DDX60: variants seen among roughly 807,000 people sequenced by gnomAD.
DDX60 encodes probable ATP-dependent RNA helicase DDX60.
Under a neutral mutation model 212.8 loss-of-function variants are expected in DDX60, and 165 were observed. That is an observed-to-expected ratio of 0.78 (90% CI 0.68 to 0.88). The LOEUF is 0.88. Among genes scored for constraint, DDX60 ranks in the 40% least tolerant of loss-of-function variants. The pLI is 0.00. For synonymous variants in DDX60, 703 were observed against 685.3 expected, an observed-to-expected ratio of 1.03 and a Z score of -0.40; for missense variants, 1,905 against 2,003.9, an observed-to-expected ratio of 0.95 and a Z score of 0.94.
intron 28 of DDX60, 36 bp downstream of exon 28, chr4:168,250,918 C>A: frequency 6.6e-7 from 1 of 1,503,852 alleles, no homozygotes; most frequent in Non-Finnish European, 9.1e-7. Flanking sequence ...GAAACAGTCA[C>A]AATTTCAATT....
chr4:168,307,439 T>A (rs1162014715), intron 4 of DDX60, among the ~76,000 whole-genome samples: 1 of 152,128 alleles, frequency 6.6e-6, no homozygotes, highest in Non-Finnish European at 1.5e-5. Context: ...CAAACCATCA[T>A]AAAACATTGA....
upstream of DDX60, among the ~76,000 whole-genome samples, chr4:168,323,481 CTTAAA>C (rs1174808267): frequency 6.6e-6 from 1 of 152,070 alleles, no homozygotes; most frequent in Non-Finnish European, 1.5e-5. Context: ...TGTTAGGCCT[CTTAAA>C]TTAAACTGAC....
chr4:168,299,157 CAAAAAAAAAA>C (rs1197872492), intron 6 of DDX60, among the ~76,000 whole-genome samples: 2 of 61,936 alleles, frequency 3.2e-5, no homozygotes, highest in South Asian at 6.2e-4. Context: ...GAGACTGTCT[CAAAAAAAAAA>C]AAAAAAAAAA....
intron 19 of DDX60, among the ~76,000 whole-genome samples, chr4:168,270,555 T>G (rs1238362036): frequency 6.6e-6 from 1 of 152,240 alleles, no homozygotes; most frequent in Non-Finnish European, 1.5e-5. Context: ...TCATAGCACT[T>G]CAGAGTTTTG....
intron 8 of DDX60, among the ~76,000 whole-genome samples, chr4:168,290,977 C>T (rs1736070262): frequency 1.3e-5 from 2 of 152,068 alleles, no homozygotes. Context: ...GCCAATTGAT[C>T]CTTTAATCCC....
At chr4:168,301,821 G>C (rs921537064) in intron 6 of DDX60, among the ~76,000 whole-genome samples, 4 of 152,216 alleles carry the variant, frequency 2.6e-5, no homozygotes, top group African/African-American at 9.7e-5. Context: ...CTTCACAGTA[G>C]AGAAAACTGT....
chr4:168,300,580 A>ATGTGTGTGTG (rs59696275), intron 6 of DDX60, among the ~76,000 whole-genome samples: 148 of 146,410 alleles, frequency 1.0e-3, no homozygotes, highest in African/African-American at 3.0e-3. Context: ...TAACACCAGA[A>ATGTGTGTGTG]TGTGTGTGTG....
At chr4:168,255,259 C>T (rs1434638807) in intron 26 of DDX60, among the ~76,000 whole-genome samples, 8 of 152,198 alleles carry the variant, frequency 5.3e-5, no homozygotes, top group Admixed American at 1.3e-4. Flanking sequence ...ATCAAATCAG[C>T]ATTTCCATCC....
At position 168,301,758 on chromosome 4, in the gene DDX60, T is replaced by G. The variant is rs370199698; in HGVS notation, c.723+542A>C. Among the ~76,000 whole-genome samples, 27 of 152,290 alleles carry G rather than the reference T, an allele frequency of 1.8e-4. No homozygotes were observed. In the East Asian group the frequency reaches 4.1e-3, roughly 23 times the overall value. On this transcript the variant is annotated intron_variant, in intron 6 of 37. Coordinates refer to ENST00000393743, the MANE Select transcript of DDX60 (RefSeq NM_017631.6). ...AGTTTGAGAAGAAACAGGATCTGCA[T>G]AGTCACAAAGCATGTCCTTCAAGAT...
At chr4:168,280,172 C>T in intron 14 of DDX60, among the ~76,000 whole-genome samples, 163 bp downstream of exon 14, 1 of 152,086 alleles carries the variant, frequency 6.6e-6, no homozygotes, top group East Asian at 1.9e-4. Flanking sequence ...TAGAACATAC[C>T]CCCGGCAGGT....
chr4:168,311,452 G>T (rs1737131354), intron 1 of DDX60, 87 bp from the exon 2 acceptor site: 2 of 547,286 alleles, frequency 3.7e-6, no homozygotes, highest in Non-Finnish European at 3.3e-6. Context: ...TTAGACACAA[G>T]GAATACAAGA....
At chr4:168,315,019 A>C (rs1470312424) in intron 1 of DDX60, among the ~76,000 whole-genome samples, 9 of 152,226 alleles carry the variant, frequency 5.9e-5, no homozygotes, top group Non-Finnish European at 2.9e-5. Flanking sequence ...GAACTGGTTT[A>C]AGAAATGAAC....
intron 9 of DDX60, among the ~76,000 whole-genome samples, chr4:168,287,565 G>C (rs982485346): frequency 1.1e-4 from 17 of 152,004 alleles, no homozygotes; most frequent in African/African-American, 3.9e-4. Context: ...TGAGAAAATT[G>C]GTAAAGGATT....
chr4:168,288,163 T>C lies in DDX60; in HGVS notation c.1183+11A>G. On this transcript the variant is annotated intron_variant, in intron 9 of 37. Coordinates refer to ENST00000393743, the MANE Select transcript of DDX60 (RefSeq NM_017631.6). ...GGATGGAAGTATGATTATAATATACTGAGATGGTACCTTTTACATTTTCAT... is the reference window on the plus strand; with the variant it reads ...GGATGGAAGTATGATTATAATATACCGAGATGGTACCTTTTACATTTTCAT... 1 of 1,440,100 alleles carries C rather than the reference T, an allele frequency of 6.9e-7. No homozygotes were observed. The allele number at this position is 1,440,100 out of a possible 1,614,324, so 89.2% of individuals were successfully genotyped here. A position where few individuals can be genotyped will look rare whatever the true frequency, so the allele number is the denominator to read the frequency against.
rs1347011052 is a variant in DDX60, at chr4:168,306,640, G to A, written c.345C>T (p.Thr115=). The A allele has an allele frequency of 1.2e-6, 2 of 1,613,960 alleles. No homozygotes were observed. The highest frequency in any genetic ancestry group is 8.5e-7 in the Non-Finnish European group (1 of 1,179,916). Residue 115 remains threonine, a synonymous_variant, in exon 5 of 38, where the codon ACC becomes ACT. Transcript: ENST00000393743. ...TALILHLQKN[T]TIDVRTTFSR... is the part of the protein sequence containing the mutation. ...AAAATGTTGTTCGAACATCAATGGT[G>A]GTATTCTTCTGAAGATGAAGAATTA...
chr4:168,312,579 C>T (rs1043148359), intron 1 of DDX60, among the ~76,000 whole-genome samples: 2 of 152,096 alleles, frequency 1.3e-5, no homozygotes, highest in Non-Finnish European at 2.9e-5. Context: ...TGAAAATGCA[C>T]TTGAGCATTT....
chr4:168,255,722 T>C lies in DDX60; in HGVS notation c.3546A>G (p.Lys1182=). 1 of 1,588,646 alleles carries C rather than the reference T, an allele frequency of 6.3e-7. No homozygotes were observed. The highest frequency in any genetic ancestry group is 1.2e-5 in the South Asian group (1 of 85,214). Residue 1182 remains lysine, a synonymous_variant, in exon 26 of 38, where the codon AAA becomes AAG. Transcript: ENST00000393743. ...AGTTAACTACTTACATGATCTTTTG[T>C]TTCTCTATGGATTTTTTAACTTTTC... ...KLRKVKKSIE[K]QKIIDEKSQK...
At chr4:168,286,924 T>C (rs1735886749) in intron 10 of DDX60, 124 bp downstream of exon 10, 6 of 669,022 alleles carry the variant, frequency 9.0e-6, no homozygotes. Context: ...AGGTAATTTA[T>C]TTTTATTATT....
chr4:168,224,244 T>C lies in DDX60; in HGVS notation c.4823A>G (p.His1608Arg). ...DDLLRLETPN[H>R]VTLGTIGVNR... ...TAATAAACCCCACTCTTCACTTACA[T>C]GGTTTGGAGTTTCTAGTCGAAGCAA... The change falls in exon 35 of 38, where the codon CAT (histidine) becomes CGT (arginine). Residue 1608 changes from histidine (H) to arginine (R), a missense_variant and splice_region_variant. By Grantham distance (29) the His-to-Arg change is conservative (BLOSUM62 0). Transcript: ENST00000393743. 3.1e-6 allele frequency: 5 copies of C among 1,612,134 alleles called. No homozygotes were observed. The highest frequency in any genetic ancestry group is 2.2e-5 in the East Asian group (1 of 44,764).
Sources: gnomAD v4.1 joint callset for allele counts (sites outside exome capture counted in the v4.1 genomes callset) on GRCh38, gnomAD v4.1.1 for gene constraint, MANE v1.5 for transcripts, NCBI Gene and HGNC (gene_info 2026-07-23, HGNC 2026-07-21) for gene names.